The following ZNF266 variants were observed in gnomAD, a reference collection of about 807,000 sequenced individuals.
ZNF266 encodes the protein zinc finger protein 1.
In ZNF266, 16 loss-of-function variants were observed where a neutral mutation model predicts 16.4. The observed-to-expected ratio is 0.98, with a 90% CI of 0.66 to 1.48. The LOEUF (loss-of-function observed/expected upper bound fraction) is 1.48. ZNF266 is among the 40% of genes most tolerant of loss of function. The pLI is 0.00. For missense variants in ZNF266, 738 were observed against 689.1 expected, an observed-to-expected ratio of 1.07 and a Z score of -0.79; for synonymous variants, 262 against 237.9, an observed-to-expected ratio of 1.10 and a Z score of -0.93.
In ZNF266 at chr19:9,418,495, C is replaced by T. The variant is rs2069399810; in HGVS notation, c.235+10G>A. The T allele has an allele frequency of 1.2e-6, 2 of 1,614,062 alleles. No homozygotes were observed. The highest frequency in any genetic ancestry group is 1.1e-5 in the South Asian group (1 of 91,092). The stretch of plus-strand genomic sequence containing the variant: ...CCATAGTAGGCTACAAGGGATGAGG[C>T]CAGTCTTACCTACTGTGGCCAAATT... On this transcript the variant is annotated intron_variant, in intron 8 of 10. Transcript: ENST00000592904.
At chr19:9,424,456 C>T (rs2070426657) in intron 5 of ZNF266, among the ~76,000 whole-genome samples, 1 of 152,138 alleles carries the variant, frequency 6.6e-6, no homozygotes, top group South Asian at 2.1e-4. Context: ...ATTTGTATTG[C>T]TCCTCCCTGG....
rs147550267 is a variant in ZNF266 at position 9,413,764 on chromosome 19, C to G, written c.1362G>C (p.Lys454Asn). The change falls in exon 11 of 11, where the codon AAG becomes AAC. Residue 454 changes from lysine to asparagine, a missense_variant. By Grantham distance (94) the Lys-to-Asn change is moderately conservative (BLOSUM62 0). Coordinates refer to ENST00000592904, the MANE Select transcript of ZNF266 (RefSeq NM_001370374.1). ...ERPYECKECG[K>N]AFARSSRLSE... The stretch of plus-strand genomic sequence containing the variant: ...TAAGGCGAGAGGATCTGGCAAAGGC[C>G]TTTCCACATTCCTTACATTCATAGG... 3.1e-6 allele frequency: 5 copies of G among 1,613,736 alleles called. No individual in the cohort carries two copies. In the African/African-American group the frequency reaches 5.3e-5, roughly 17 times the overall value.
At position 9,413,971 on chromosome 19, in the gene ZNF266, G is replaced by A; in HGVS notation, c.1155C>T (p.His385=). The A allele has an allele frequency of 1.2e-6, 2 of 1,614,172 alleles. No individual in the cohort carries two copies. The highest frequency in any genetic ancestry group is 2.2e-5 in the East Asian group (1 of 44,882). The stretch of plus-strand genomic sequence containing the variant: ...TACATTCAAAGGGATCCTTTGCAGT[G>A]TGAGTTTTTAAATGTTCAGTAAGTT... ...SSQLTEHLKT[H]TAKDPFECKI... The change falls in exon 11 of 11, where the codon CAC becomes CAT. Residue 385 remains histidine (H), a synonymous_variant. Transcript: ENST00000592904.
chr19:9,413,593 T>C lies in ZNF266; in HGVS notation c.1533A>G (p.Ala511=), dbSNP rs557326979. ...KPFECLECGK[A]FTHSSSLNNH... is the part of the protein sequence containing the mutation. Reference sequence around the variant, plus strand: ...TATTAAGACTGGAGGAATGCGTAAATGCTTTACCACATTCCAGGCACTCAA... The same window carrying C: ...TATTAAGACTGGAGGAATGCGTAAACGCTTTACCACATTCCAGGCACTCAA... Residue 511 remains alanine (A), a synonymous_variant, in exon 11 of 11, where the codon GCA becomes GCG. Transcript: ENST00000592904. 18 of 1,614,106 alleles carry C rather than the reference T, an allele frequency of 1.1e-5. No individual in the cohort carries two copies. The highest frequency in any genetic ancestry group is 1.7e-5 in the Admixed American group (1 of 60,004).
At position 9,418,523 on chromosome 19, in the gene ZNF266, T is replaced by G; in HGVS notation, c.217A>C (p.Lys73Gln). ...GTCTTACCTACTGTGGCCAAATTCT[T>G]GTAGTTCTCCAGCATCACATCTCTG... ...LYRDVMLENY[K>Q]NLATVGYQLF... Residue 73 changes from lysine (K) to glutamine (Q), a missense_variant, in exon 8 of 11, where the codon AAG becomes CAG. Coordinates refer to ENST00000592904, the MANE Select transcript of ZNF266 (RefSeq NM_001370374.1). 1.2e-6 allele frequency: 2 copies of G among 1,614,218 alleles called. No individual in the cohort carries two copies. Among genetic ancestry groups the G allele is most frequent in the South Asian group, 2.2e-5 (2 of 91,092 alleles).
At position 9,413,467 on chromosome 19, in the gene ZNF266, G is replaced by A. The variant is rs1326737751; in HGVS notation, c.1659C>T (p.His553=). Residue 553 remains histidine (H), a synonymous_variant, in exon 11 of 11, where the codon CAC becomes CAT. Coordinates refer to ENST00000592904, the MANE Select transcript of ZNF266 (RefSeq NM_001370374.1). ...TACATTTGTAGGGTTTTTCTCCAGT[G>A]TGGATCCGCATGTGAAGGTTAACAC... The part of the protein sequence containing the change: ...PTCVNLHMRI[H]TGEKPYKCKQ... The A allele has an allele frequency of 1.2e-6, 2 of 1,614,152 alleles. No homozygotes were observed. The highest frequency in any genetic ancestry group is 2.7e-5 in the African/African-American group (2 of 75,044).
intron 7 of ZNF266, 35 bp from the exon 8 acceptor site, chr19:9,418,666 A>G (rs1242039183): frequency 3.7e-6 from 4 of 1,069,208 alleles, no homozygotes; most frequent in Non-Finnish European, 5.8e-6. Flanking sequence ...TTGAGCCACA[A>G]AACATGTCTA....
intron 5 of ZNF266, among the ~76,000 whole-genome samples, chr19:9,429,687 T>A (rs867160060): frequency 4.6e-5 from 7 of 152,106 alleles, no homozygotes; most frequent in Admixed American, 1.3e-4. Flanking sequence ...CACAGAACAT[T>A]TTTTTCTTTC....
At chr19:9,415,056 A>G (rs1266765700) in intron 10 of ZNF266, among the ~76,000 whole-genome samples, 2 of 152,206 alleles carry the variant, frequency 1.3e-5, no homozygotes, top group African/African-American at 2.4e-5. Context: ...GTGCTTTGGG[A>G]GGCCAACGTG....
intron 5 of ZNF266, among the ~76,000 whole-genome samples, chr19:9,430,216 G>A (rs1244068853): frequency 1.3e-5 from 2 of 152,136 alleles, no homozygotes; most frequent in Non-Finnish European, 2.9e-5. Flanking sequence ...AAATGTAAAA[G>A]ACTGATCAAC....
At position 9,415,287 on chromosome 19, in the gene ZNF266, T is replaced by C. The variant is rs1029790020; in HGVS notation, c.405+367A>G. On this transcript the variant is annotated intron_variant, in intron 10 of 10. Coordinates refer to ENST00000592904, the MANE Select transcript of ZNF266 (RefSeq NM_001370374.1). ...TCCAGCCTGGGTGACAGACCAAGAC[T>C]CTGTCTAAGAAAAAAACAACAATAA... Among the ~76,000 whole-genome samples the C allele has an allele frequency of 3.3e-5, 5 of 152,056 alleles. No individual in the cohort carries two copies. In the East Asian group the frequency reaches 9.6e-4, roughly 29 times the overall value.
intron 5 of ZNF266, among the ~76,000 whole-genome samples, chr19:9,424,795 T>C (rs1000786774): frequency 6.6e-6 from 1 of 152,162 alleles, no homozygotes; most frequent in Non-Finnish European, 1.5e-5. Flanking sequence ...TGGCGTGCCA[T>C]GGGAATACAA....
In ZNF266 at chr19:9,417,956, T is replaced by C. The variant is rs747524298; in HGVS notation, c.236-48A>G. ...TACCAGAAGAGGCTCATGCAAGAGA[T>C]GATAAATCTTTCCACAACTCAGGAG... On this transcript the variant is annotated intron_variant, in intron 8 of 10. Transcript: ENST00000592904. 3.8e-5 allele frequency: 60 copies of C among 1,560,410 alleles called. No homozygotes were observed. In the East Asian group the frequency reaches 1.3e-3, roughly 33 times the overall value.
chr19:9,431,141 T>C (rs1212351203), intron 5 of ZNF266, among the ~76,000 whole-genome samples: 2 of 152,148 alleles, frequency 1.3e-5, no homozygotes, highest in Non-Finnish European at 2.9e-5. Context: ...AAAGGGGACA[T>C]GGGATGGACA....
chr19:9,419,518 G>C (rs950763354), intron 6 of ZNF266: 1 of 152,218 alleles, frequency 6.6e-6, no homozygotes, highest in Non-Finnish European at 1.5e-5. Flanking sequence ...TGGGAAAAGG[G>C]TAACAGTCTT....
intron 5 of ZNF266, among the ~76,000 whole-genome samples, chr19:9,424,542 T>C (rs564705718): frequency 6.6e-6 from 1 of 152,220 alleles, no homozygotes; most frequent in African/African-American, 2.4e-5. Context: ...AAGTAAACCA[T>C]GGACATCAAC....
chr19:9,429,609 C>G (rs1568423165), intron 5 of ZNF266, among the ~76,000 whole-genome samples: 1 of 152,138 alleles, frequency 6.6e-6, no homozygotes, highest in Non-Finnish European at 1.5e-5. Flanking sequence ...GTGGAGATGA[C>G]TCCACCATTA....
intron 5 of ZNF266, among the ~76,000 whole-genome samples, chr19:9,430,414 G>T (rs186991393): frequency 6.6e-6 from 1 of 151,940 alleles, no homozygotes; most frequent in Admixed American, 6.6e-5. Context: ...ATCGTTGATC[G>T]TCCCGCAACA....
At chr19:9,421,883 G>C (rs2069956069) in intron 5 of ZNF266, among the ~76,000 whole-genome samples, 1 of 150,570 alleles carries the variant, frequency 6.6e-6, no homozygotes, top group Non-Finnish European at 1.5e-5. Flanking sequence ...ACGGAGGCTC[G>C]CTCTGTCACC....
Sources: gnomAD v4.1 joint callset for allele counts (sites outside exome capture counted in the v4.1 genomes callset) on GRCh38, gnomAD v4.1.1 for gene constraint, MANE v1.5 for transcripts, NCBI Gene and HGNC (gene_info 2026-07-23, HGNC 2026-07-21) for gene names.